The following UNC5D variants were observed in gnomAD, a reference collection of about 807,000 sequenced individuals.
UNC5D encodes the protein netrin receptor UNC5D.
UNC5D carries 39 observed loss-of-function variants against 105.4 expected under a neutral mutation model. The ratio of observed to expected loss-of-function variants is 0.37; its 90% CI spans 0.29 to 0.48. UNC5D has a LOEUF of 0.48. UNC5D is among the 20% of genes least tolerant of loss of function. The pLI is 0.98. For missense variants in UNC5D, 991 were observed against 1,202.4 expected (o/e 0.82, Z 2.60); for synonymous variants, 452 against 450.4 (o/e 1.00, Z -0.04).
intron 4 of UNC5D, among the ~76,000 whole-genome samples, chr8:35,604,660 C>T (rs572618232): frequency 1.3e-5 from 2 of 152,328 alleles, no homozygotes; most frequent in African/African-American, 4.8e-5. Context: ...GTTCCATTCT[C>T]CCCGTCACTT....
At chr8:35,627,027 T>C (rs1821734635) in intron 4 of UNC5D, among the ~76,000 whole-genome samples, 1 of 152,216 alleles carries the variant, frequency 6.6e-6, no homozygotes, top group Non-Finnish European at 1.5e-5. Context: ...TCTTTATTCA[T>C]AGAAACTAAT....
At chr8:35,545,385 G>T (rs1485213982) in intron 1 of UNC5D, among the ~76,000 whole-genome samples, 1 of 152,036 alleles carries the variant, frequency 6.6e-6, no homozygotes, top group African/African-American at 2.4e-5. Flanking sequence ...AAACTACTAG[G>T]CAGGGCTGAG....
chr8:35,322,779 C>A (rs1387620044), intron 1 of UNC5D, among the ~76,000 whole-genome samples: 1 of 152,166 alleles, frequency 6.6e-6, no homozygotes, highest in African/African-American at 2.4e-5. Context: ...GGTTTTGGCT[C>A]AGTACGTACG....
chr8:35,557,587 C>T (rs1008964451), intron 2 of UNC5D, among the ~76,000 whole-genome samples: 8 of 152,136 alleles, frequency 5.3e-5, no homozygotes, highest in African/African-American at 1.2e-4. Flanking sequence ...TCTCAAGATA[C>T]GGAGGTACGG....
chr8:35,760,681 T>C (rs1180079966), intron 14 of UNC5D, among the ~76,000 whole-genome samples: 1 of 152,160 alleles, frequency 6.6e-6, no homozygotes, highest in African/African-American at 2.4e-5. Context: ...CACATTGACC[T>C]GGAATCACAG....
At chr8:35,756,559 A>T (rs1036127724) in intron 13 of UNC5D, among the ~76,000 whole-genome samples, 1 of 150,170 alleles carries the variant, frequency 6.7e-6, no homozygotes, top group African/African-American at 2.5e-5. Context: ...TTTAAAAAAA[A>T]AAAAAAAAGA....
intron 1 of UNC5D, among the ~76,000 whole-genome samples, chr8:35,372,461 T>A (rs1802477041): frequency 6.6e-6 from 1 of 152,046 alleles, no homozygotes; most frequent in Non-Finnish European, 1.5e-5. Flanking sequence ...ACCTTGTATA[T>A]TTTGGGGGGT....
chr8:35,586,945 T>C (rs1185508971), intron 3 of UNC5D, among the ~76,000 whole-genome samples: 2 of 152,142 alleles, frequency 1.3e-5, no homozygotes, highest in African/African-American at 4.8e-5. Context: ...TTTTCTAACA[T>C]AGTAGCATGA....
intron 11 of UNC5D, among the ~76,000 whole-genome samples, chr8:35,739,357 T>A (rs988336472): frequency 2.0e-5 from 3 of 152,162 alleles, no homozygotes; most frequent in African/African-American, 4.8e-5. Context: ...ACAAATTTTT[T>A]AAAAATCACA....
intron 1 of UNC5D, among the ~76,000 whole-genome samples, chr8:35,487,573 A>ACACACACACG (rs1359643488): frequency 6.6e-6 from 1 of 151,228 alleles, no homozygotes; most frequent in African/African-American, 2.5e-5. Flanking sequence ...CTGTACACAC[A>ACACACACACG]CACACACACA....
intron 8 of UNC5D, among the ~76,000 whole-genome samples, chr8:35,719,141 T>TAC (rs57660135): frequency 0.21 from 27,912 of 132,742 alleles, 2,915 homozygotes; most frequent in Middle Eastern, 0.32. Flanking sequence ...CATGTGCTTA[T>TAC]ACACACACAC....
chr8:35,364,367 A>G (rs567881464), intron 1 of UNC5D, among the ~76,000 whole-genome samples: 2 of 152,176 alleles, frequency 1.3e-5, no homozygotes, highest in East Asian at 1.9e-4. Flanking sequence ...TTTGCCTGCT[A>G]TGAGGCCCCT....
At chr8:35,675,629 C>T (rs1489952421) in intron 4 of UNC5D, among the ~76,000 whole-genome samples, 1 of 151,934 alleles carries the variant, frequency 6.6e-6, no homozygotes, top group African/African-American at 2.4e-5. Context: ...GCCTGATTTG[C>T]ATTTTCCGTG....
intron 3 of UNC5D, among the ~76,000 whole-genome samples, chr8:35,569,929 C>T (rs1053307855): frequency 9.7e-6 from 1 of 102,976 alleles, no homozygotes; most frequent in Admixed American, 1.2e-4. Context: ...CCCACATGAC[C>T]TATACTCTGA....
rs1420219668 is a variant in UNC5D, at chr8:35,731,058, T to C, written c.1728T>C (p.Ser576=). ...ACGGTGCCATCCCAGAGGAGAATTC[T>C]TGGGAGATTTATATGTCCATCAACC... ...IPHGAIPEEN[S]WEIYMSINQG... is the part of the protein sequence containing the mutation. The change falls in exon 11 of 17, where the codon TCT becomes TCC. Residue 576 remains serine, a synonymous_variant. Coordinates refer to ENST00000404895, the MANE Select transcript of UNC5D (RefSeq NM_080872.4). The C allele has an allele frequency of 1.2e-6, 2 of 1,613,902 alleles. No individual in the cohort carries two copies. Among genetic ancestry groups the C allele is most frequent in the Admixed American group, 1.7e-5 (1 of 60,004 alleles).
intron 4 of UNC5D, among the ~76,000 whole-genome samples, chr8:35,612,282 C>A (rs1820734656): frequency 6.6e-6 from 1 of 152,192 alleles, no homozygotes; most frequent in Non-Finnish European, 1.5e-5. Flanking sequence ...AGGTTCTCTG[C>A]TTCTTGCTCA....
chr8:35,609,460 GAAGA>G (rs1220327798), intron 4 of UNC5D, among the ~76,000 whole-genome samples: 1 of 152,176 alleles, frequency 6.6e-6, no homozygotes, highest in East Asian at 1.9e-4. Context: ...CAGAATGAGA[GAAGA>G]AAGCTAAGAA....
chr8:35,235,548 C>T lies in UNC5D; in HGVS notation c.-237C>T, dbSNP rs182532309. On this transcript the variant is annotated 5_prime_UTR_variant, in exon 1 of 17. Transcript: ENST00000404895. ...GGGGACTGCGGGCGACTCCGGCATC[C>T]GCGCTGGCGGCAGCGGTCGCCGCGC... 1,582 of 361,644 alleles carry T rather than the reference C, an allele frequency of 4.4e-3. 3 individuals carry two copies. Among genetic ancestry groups the T allele is most frequent in the Non-Finnish European group, 6.3e-3 (1,288 of 203,410 alleles). The allele number at this position is 361,644 out of a possible 1,614,324, so 22.4% of individuals were successfully genotyped here. A position where few individuals can be genotyped will look rare whatever the true frequency, so the allele number is the denominator to read the frequency against.
chr8:35,310,695 TA>T (rs1207191064), intron 1 of UNC5D, among the ~76,000 whole-genome samples: 31 of 152,282 alleles, frequency 2.0e-4, no homozygotes, highest in African/African-American at 7.0e-4. Context: ...AAGCACATTC[TA>T]GATAGTTTTT....
Sources: allele counts gnomAD v4.1 joint callset (sites outside exome capture counted in the v4.1 genomes callset), GRCh38; gene constraint gnomAD v4.1.1; transcripts MANE v1.5; gene names NCBI Gene and HGNC (gene_info 2026-07-23, HGNC 2026-07-21).